Variants in QTMAN observed in about 807,000 individuals in gnomAD.
QTMAN encodes tRNA-queuosine alpha-mannosyltransferase.
At chr2:144,170,691 G>C in the QTMAN span, among the ~76,000 whole-genome samples, 266 of 152,092 alleles carry the variant, frequency 1.7e-3, no homozygotes, top group African/African-American at 6.1e-3. Flanking sequence ...AGAACAAAAA[G>C]GTGTTTGATG....
chr2:144,012,773 G>A, the QTMAN span, among the ~76,000 whole-genome samples: 17 of 152,208 alleles, frequency 1.1e-4, no homozygotes, highest in Middle Eastern at 3.4e-3. Flanking sequence ...AAGATAGCAG[G>A]TGAAAATTAA....
the QTMAN span, among the ~76,000 whole-genome samples, chr2:143,981,661 G>A: frequency 0.03 from 4,505 of 152,228 alleles, 188 homozygotes; most frequent in East Asian, 0.17. Context: ...TGAGACTGCT[G>A]TGTTTTTTTG....
At chr2:143,971,566 C>A in the QTMAN span, among the ~76,000 whole-genome samples, 1 of 151,956 alleles carries the variant, frequency 6.6e-6, no homozygotes, top group Non-Finnish European at 1.5e-5. Context: ...CAAATCACAT[C>A]AAAATGAAAT....
At chr2:144,265,573 T>A in the QTMAN span, among the ~76,000 whole-genome samples, 2 of 152,066 alleles carry the variant, frequency 1.3e-5, no homozygotes, top group African/African-American at 4.8e-5. Flanking sequence ...GGCACGCACC[T>A]GTAATTCCAG....
chr2:144,005,058 T>A, the QTMAN span, among the ~76,000 whole-genome samples: 1 of 151,986 alleles, frequency 6.6e-6, no homozygotes, highest in African/African-American at 2.4e-5. Flanking sequence ...CAAATAGCTA[T>A]CAGACGCGGG....
chr2:144,142,676 C>T, the QTMAN span, among the ~76,000 whole-genome samples: 1 of 151,918 alleles, frequency 6.6e-6, no homozygotes, highest in African/African-American at 2.4e-5. Flanking sequence ...GTTTCACTAT[C>T]ATATTATATT....
At chr2:144,290,024 C>T in the QTMAN span, among the ~76,000 whole-genome samples, 1 of 152,304 alleles carries the variant, frequency 6.6e-6, no homozygotes, top group East Asian at 1.9e-4. Context: ...TCAAAGACAG[C>T]CAACTGTTCA....
At chr2:144,303,480 A>C in the QTMAN span, among the ~76,000 whole-genome samples, 21 of 152,172 alleles carry the variant, frequency 1.4e-4, no homozygotes, top group African/African-American at 4.8e-4. Context: ...AAATTAGGAA[A>C]ACTAGGAGAG....
At chr2:144,039,333 T>C in the QTMAN span, among the ~76,000 whole-genome samples, 1 of 152,004 alleles carries the variant, frequency 6.6e-6, no homozygotes, top group Admixed American at 6.6e-5. Flanking sequence ...TGGGACTACA[T>C]GTATAGAACC....
chr2:143,991,495 G>A, the QTMAN span, among the ~76,000 whole-genome samples: 5 of 140,254 alleles, frequency 3.6e-5, no homozygotes, highest in Admixed American at 7.1e-5. Context: ...GCCTCTGCCC[G>A]GCCACCCCTA....
At chr2:144,326,503 C>T in the QTMAN span, among the ~76,000 whole-genome samples, 1 of 147,964 alleles carries the variant, frequency 6.8e-6, no homozygotes, top group South Asian at 2.2e-4. Flanking sequence ...AGGAGAATGG[C>T]GTGAACCCGG....
At chr2:144,232,352 A>G in the QTMAN span, among the ~76,000 whole-genome samples, 2 of 152,198 alleles carry the variant, frequency 1.3e-5, no homozygotes, top group Non-Finnish European at 2.9e-5. Context: ...CTAAATTAAA[A>G]ATAAATCCCC....
the QTMAN span, among the ~76,000 whole-genome samples, chr2:144,067,637 G>A: frequency 2.6e-5 from 4 of 152,204 alleles, no homozygotes; most frequent in Non-Finnish European, 4.4e-5. Flanking sequence ...GAAGCATTAG[G>A]GAGCTGTGTC....
At chr2:144,027,043 G>A in the QTMAN span, among the ~76,000 whole-genome samples, 6 of 152,200 alleles carry the variant, frequency 3.9e-5, no homozygotes, top group Non-Finnish European at 7.4e-5. Context: ...AGCAGCTGCA[G>A]TTTCTTACTT....
the QTMAN span, chr2:143,951,971 T>C: frequency 7.3e-7 from 1 of 1,362,304 alleles, no homozygotes; most frequent in Non-Finnish European, 1.0e-6. Flanking sequence ...AAATCTCTTC[T>C]CAATAACTAC....
At chr2:144,242,711 C>G in the QTMAN span, among the ~76,000 whole-genome samples, 1 of 152,022 alleles carries the variant, frequency 6.6e-6, no homozygotes, top group Non-Finnish European at 1.5e-5. Flanking sequence ...CCTGTAATCC[C>G]AGCACTTTGG....
At chr2:144,150,393 A>G in the QTMAN span, among the ~76,000 whole-genome samples, 3 of 152,008 alleles carry the variant, frequency 2.0e-5, no homozygotes, top group Non-Finnish European at 4.4e-5. Context: ...ATGATGATGA[A>G]AATGTTCTAT....
At chr2:144,141,968 A>G in the QTMAN span, 2 of 1,610,102 alleles carry the variant, frequency 1.2e-6, no homozygotes, top group Non-Finnish European at 1.7e-6. Context: ...GTCTGTGATC[A>G]GGAATCAGCT....
the QTMAN span, among the ~76,000 whole-genome samples, chr2:143,977,554 G>C: frequency 6.6e-6 from 1 of 152,134 alleles, no homozygotes; most frequent in African/African-American, 2.4e-5. Flanking sequence ...AGAGATTCCT[G>C]AGCCATGGTA....
Sources: gnomAD v4.1 joint callset for allele counts (sites outside exome capture counted in the v4.1 genomes callset) on GRCh38, gnomAD v4.1.1 for gene constraint, MANE v1.5 for transcripts, NCBI Gene and HGNC (gene_info 2026-07-23, HGNC 2026-07-21) for gene names.